The following HIVEP3 variants were observed in gnomAD, a reference collection of about 807,000 sequenced individuals.
HIVEP3 encodes the protein transcription factor HIVEP3.
A neutral mutation model predicts 152.8 loss-of-function variants in HIVEP3; 49 were observed. The ratio of observed to expected loss-of-function variants is 0.32; its 90% CI spans 0.26 to 0.41. The LOEUF (loss-of-function observed/expected upper bound fraction) is 0.41. Ranked by LOEUF, HIVEP3 falls within the 10% of genes least tolerant of loss-of-function variation. HIVEP3 has a pLI of 1.00. For missense variants in HIVEP3, 2,790 were observed against 3,103.3 expected, an observed-to-expected ratio of 0.90 and a Z score of 2.40; for synonymous variants, 1,269 against 1,289.0, an observed-to-expected ratio of 0.98 and a Z score of 0.33.
intron 1 of HIVEP3, among the ~76,000 whole-genome samples, chr1:41,856,388 C>T (rs554988121): frequency 1.9e-4 from 29 of 152,114 alleles, no homozygotes; most frequent in Non-Finnish European, 3.8e-4. Flanking sequence ...AAGGTGACCC[C>T]GTTGCCAAGC....
rs77703835 is a variant in HIVEP3 at position 41,891,871 on chromosome 1, T to C, written c.-801+26542A>G. Among the ~76,000 whole-genome samples, 1,077 of 152,266 alleles carry C rather than the reference T, an allele frequency of 7.1e-3. 15 individuals carry two copies. The highest frequency in any genetic ancestry group is 0.025 in the African/African-American group (1,044 of 41,536). On this transcript the variant is annotated intron_variant, in intron 1 of 8. Transcript: ENST00000372583. Reference sequence around the variant, plus strand: ...CTTGTGAAAAGAGATGGCCTTCCAATGGGAAAAGGCAAGGAGTAAAACTCA... The same window carrying C: ...CTTGTGAAAAGAGATGGCCTTCCAACGGGAAAAGGCAAGGAGTAAAACTCA...
At chr1:41,760,390 C>T (rs1647592438) in intron 1 of HIVEP3, among the ~76,000 whole-genome samples, 1 of 152,150 alleles carries the variant, frequency 6.6e-6, no homozygotes, top group Non-Finnish European at 1.5e-5. Flanking sequence ...AACTTCTCTA[C>T]TTCTGTCTCT....
At chr1:41,887,859 C>T (rs550280631) in intron 1 of HIVEP3, among the ~76,000 whole-genome samples, 35 of 152,096 alleles carry the variant, frequency 2.3e-4, no homozygotes, top group East Asian at 1.7e-3. Context: ...TGGCCACATG[C>T]GGCTATTTAA....
chr1:41,522,802 C>A (rs1010654796), intron 6 of HIVEP3, among the ~76,000 whole-genome samples: 1 of 152,040 alleles, frequency 6.6e-6, no homozygotes, highest in Admixed American at 6.5e-5. Flanking sequence ...CAGTCTCACG[C>A]GGCAGAGTGA....
At chr1:41,830,786 C>A (rs537249737) in intron 1 of HIVEP3, among the ~76,000 whole-genome samples, 9 of 152,186 alleles carry the variant, frequency 5.9e-5, no homozygotes, top group African/African-American at 2.2e-4. Flanking sequence ...ACACATAGAT[C>A]CATCATCTCT....
intron 2 of HIVEP3, among the ~76,000 whole-genome samples, chr1:41,658,818 T>C (rs890629459): frequency 2.0e-5 from 3 of 152,228 alleles, no homozygotes; most frequent in Non-Finnish European, 4.4e-5. Context: ...TTATTAATAA[T>C]GGAAGCAGCA....
At chr1:41,716,958 G>A (rs866606398) in intron 1 of HIVEP3, among the ~76,000 whole-genome samples, 6 of 152,374 alleles carry the variant, frequency 3.9e-5, no homozygotes, top group Middle Eastern at 3.4e-3. Flanking sequence ...CACGCACGTT[G>A]TGGAAGACGA....
chr1:41,748,178 G>A (rs561592191), intron 1 of HIVEP3, among the ~76,000 whole-genome samples: 17 of 152,298 alleles, frequency 1.1e-4, no homozygotes, highest in African/African-American at 3.8e-4. Context: ...AGTCACGGCA[G>A]GGCCTTTCCA....
chr1:42,013,810 T>A (rs1460467716), intron 1 of HIVEP3, among the ~76,000 whole-genome samples: 1 of 152,186 alleles, frequency 6.6e-6, no homozygotes, highest in Non-Finnish European at 1.5e-5. Flanking sequence ...TTTGAAGACA[T>A]AACCCAAAGC....
rs75167539 is a variant in HIVEP3 at position 41,981,367 on chromosome 1, G to A, written n.119+54440C>T. On this transcript the variant is annotated intron_variant and non_coding_transcript_variant, in intron 1 of 3. Coordinates refer to the HIVEP3 transcript ENST00000489103. ...ATCCCCACGGAGCTGGGAAGCAAACGGGGAAATGCAAACCCCATTTATAGG... is the reference window on the plus strand; with the variant it reads ...ATCCCCACGGAGCTGGGAAGCAAACAGGGAAATGCAAACCCCATTTATAGG... Among the ~76,000 whole-genome samples the A allele has an allele frequency of 2.3e-3, 351 of 152,264 alleles. 1 individual carries two copies. Among genetic ancestry groups the A allele is most frequent in the African/African-American group, 8.0e-3 (332 of 41,558 alleles).
chr1:41,702,952 C>T (rs924110003), intron 1 of HIVEP3, among the ~76,000 whole-genome samples: 1 of 152,224 alleles, frequency 6.6e-6, no homozygotes, highest in Non-Finnish European at 1.5e-5. Flanking sequence ...TTCGTTTATT[C>T]ATCACACTGA....
chr1:41,996,389 CAAA>C (rs55853325), intron 1 of HIVEP3, among the ~76,000 whole-genome samples: 1 of 141,834 alleles, frequency 7.1e-6, no homozygotes, highest in Admixed American at 7.1e-5. Context: ...GAACCTATCT[CAAA>C]AAAAAAAAAA....
At chr1:41,726,617 T>A (rs1181166803) in intron 1 of HIVEP3, among the ~76,000 whole-genome samples, 1 of 152,112 alleles carries the variant, frequency 6.6e-6, no homozygotes, top group African/African-American at 2.4e-5. Flanking sequence ...TCTTAACTGC[T>A]CTGGGATACT....
At chr1:41,558,078 G>A (rs1314336555) in intron 5 of HIVEP3, among the ~76,000 whole-genome samples, 2 of 152,184 alleles carry the variant, frequency 1.3e-5, no homozygotes, top group South Asian at 4.1e-4. Flanking sequence ...GGGCACTCTG[G>A]CAACTGAGGC....
intron 1 of HIVEP3, among the ~76,000 whole-genome samples, chr1:41,753,367 T>C (rs1647195408): frequency 6.6e-6 from 1 of 152,124 alleles, no homozygotes; most frequent in Admixed American, 6.6e-5. Context: ...GTTTTAAAAA[T>C]TGGAAGCAAT....
intron 3 of HIVEP3, among the ~76,000 whole-genome samples, chr1:41,603,128 G>A (rs539107293): frequency 3.7e-4 from 56 of 152,002 alleles, no homozygotes; most frequent in South Asian, 1.5e-3. Context: ...GTGTAGCGGC[G>A]CGATCTCTGC....
intron 1 of HIVEP3, among the ~76,000 whole-genome samples, chr1:41,707,262 G>A (rs1272473068): frequency 6.6e-6 from 1 of 152,190 alleles, no homozygotes; most frequent in African/African-American, 2.4e-5. Flanking sequence ...CCAAGTCGAG[G>A]GCACTGGCAG....
At chr1:41,714,431 C>T (rs1410561775) in intron 1 of HIVEP3, among the ~76,000 whole-genome samples, 2 of 152,232 alleles carry the variant, frequency 1.3e-5, no homozygotes, top group Non-Finnish European at 2.9e-5. Flanking sequence ...GAGGCAGATA[C>T]TGTCACCTCT....
Position 41,583,784 on chromosome 1 carries a change from G to T in HIVEP3, c.1014C>A (p.Pro338=), listed in dbSNP as rs1464189490. The part of the protein sequence containing the change: ...QSSTAQSLED[P]PPFVEPSSEH... ...CAGATGAGGGTTCCACAAATGGAGGGGGGTCTTCGAGTGACTGGGCTGTGC... is the reference window on the plus strand; with the variant it reads ...CAGATGAGGGTTCCACAAATGGAGGTGGGTCTTCGAGTGACTGGGCTGTGC... Residue 338 remains proline, a synonymous_variant, in exon 4 of 9, where the codon CCC becomes CCA. Coordinates refer to ENST00000372583, the MANE Select transcript of HIVEP3 (RefSeq NM_024503.5). This position sits in a 1 kb window ranked among gnomAD's most constrained non-coding sequence, Gnocchi z 6.9. 1 of 1,591,172 alleles carries T rather than the reference G, an allele frequency of 6.3e-7. No homozygotes were observed. The highest frequency in any genetic ancestry group is 1.7e-5 in the Admixed American group (1 of 58,472).
Sources: gnomAD v4.1 joint callset for allele counts (sites outside exome capture counted in the v4.1 genomes callset) on GRCh38, gnomAD v4.1.1 for gene constraint, Gnocchi (gnomAD v3.1) non-coding constraint, MANE v1.5 for transcripts, NCBI Gene and HGNC (gene_info 2026-07-23, HGNC 2026-07-21) for gene names.